Variants in PPP1R9A observed in about 807,000 individuals in gnomAD.
PPP1R9A encodes protein phosphatase 1 regulatory subunit 9A, also known as neurabin-1.
A neutral mutation model predicts 141.9 loss-of-function variants in PPP1R9A; 59 were observed. That is an observed-to-expected ratio of 0.42 (90% confidence interval 0.34 to 0.52). The LOEUF is 0.52. PPP1R9A is among the 20% of genes least tolerant of loss of function. The probability of loss-of-function intolerance (pLI) is 0.10; values close to 1 mark genes in which losing one functional copy is unlikely to be tolerated. For synonymous variants in PPP1R9A, 500 were observed against 569.7 expected, an observed-to-expected ratio of 0.88 and a Z score of 1.74; for missense variants, 1,444 against 1,611.9, an observed-to-expected ratio of 0.90 and a Z score of 1.78.
At chr7:95,029,745 T>C (rs1807394384) in intron 2 of PPP1R9A, among the ~76,000 whole-genome samples, 1 of 152,220 alleles carries the variant, frequency 6.6e-6, no homozygotes, top group African/African-American at 2.4e-5. Context: ...TTTTGAAGCA[T>C]GTCTTTCCTA....
At chr7:95,230,728 A>T (rs1347465223) in intron 8 of PPP1R9A, among the ~76,000 whole-genome samples, 1 of 152,208 alleles carries the variant, frequency 6.6e-6, no homozygotes, top group African/African-American at 2.4e-5. Flanking sequence ...GAAAACGGAT[A>T]TTTGAGGGAA....
chr7:94,921,248 C>T (rs146623695), intron 2 of PPP1R9A, among the ~76,000 whole-genome samples: 2,754 of 152,014 alleles, frequency 0.018, 39 homozygotes, highest in East Asian at 0.065. Context: ...AAATCGAGAC[C>T]ATCCTGGCGA....
chr7:95,191,318 C>T (rs144608300), intron 5 of PPP1R9A, among the ~76,000 whole-genome samples: 1 of 152,170 alleles, frequency 6.6e-6, no homozygotes, highest in African/African-American at 2.4e-5. Flanking sequence ...TGAAATAATG[C>T]ACATTAAAAC....
In PPP1R9A at chr7:95,268,580, G is replaced by C. The variant is rs372820941; in HGVS notation, c.2696G>C (p.Arg899Pro). ...DLNEAVPETE[R>P]LDSKALKTRA... ...AATGAAGCAGTCCCAGAGACAGAGC[G>C]CCTGGATTCAAAAGCACTGAAAACT... The change falls in exon 13 of 20, where the codon CGC becomes CCC. Residue 899 changes from arginine (R) to proline (P), a missense_variant. By Grantham distance (103) the Arg-to-Pro change is moderately radical. Transcript: ENST00000433360. The C allele has an allele frequency of 9.9e-6, 16 of 1,613,138 alleles. No individual in the cohort carries two copies. Among genetic ancestry groups the C allele is most frequent in the Non-Finnish European group, 1.4e-5 (16 of 1,179,468 alleles).
At chr7:95,107,579 A>C (rs1031433691) in intron 2 of PPP1R9A, among the ~76,000 whole-genome samples, 2 of 152,102 alleles carry the variant, frequency 1.3e-5, no homozygotes, top group Non-Finnish European at 2.9e-5. Flanking sequence ...ATAGGTATCT[A>C]ATTCTTTTCA....
intron 4 of PPP1R9A, among the ~76,000 whole-genome samples, chr7:95,139,960 C>G (rs1826351982): frequency 6.6e-6 from 1 of 152,116 alleles, no homozygotes; most frequent in South Asian, 2.1e-4. Context: ...AAGCAAATCT[C>G]TAATACTACT....
At chr7:95,151,640 G>A (rs1828690468) in intron 4 of PPP1R9A, among the ~76,000 whole-genome samples, 1 of 151,488 alleles carries the variant, frequency 6.6e-6, no homozygotes, top group Non-Finnish European at 1.5e-5. Flanking sequence ...CAATAATGAT[G>A]TGTCTTTAAA....
At chr7:95,035,769 A>G (rs961074581) in intron 2 of PPP1R9A, 7 of 152,198 alleles carry the variant, frequency 4.6e-5, no homozygotes, top group African/African-American at 1.7e-4. Context: ...TTATAAAAAA[A>G]CCTTGCATTC....
chr7:95,172,575 A>T (rs945690412), intron 5 of PPP1R9A, among the ~76,000 whole-genome samples: 1 of 151,836 alleles, frequency 6.6e-6, no homozygotes, highest in Non-Finnish European at 1.5e-5. Context: ...TAAATCTAAC[A>T]ATATATTGCA....
intron 4 of PPP1R9A, among the ~76,000 whole-genome samples, chr7:95,125,768 T>C (rs571346173): frequency 9.8e-5 from 15 of 152,354 alleles, no homozygotes; most frequent in Middle Eastern, 3.4e-3. Context: ...ATACCACATA[T>C]GAAATTAAGG....
chr7:95,015,227 T>TATATAC (rs774273958), intron 2 of PPP1R9A, among the ~76,000 whole-genome samples: 28 of 149,102 alleles, frequency 1.9e-4, no homozygotes, highest in East Asian at 1.3e-3. Flanking sequence ...AATATATATA[T>TATATAC]ACACACACAC....
chr7:95,166,306 C>T (rs1009010386), intron 5 of PPP1R9A, among the ~76,000 whole-genome samples: 1 of 152,088 alleles, frequency 6.6e-6, no homozygotes, highest in African/African-American at 2.4e-5. Flanking sequence ...GAAAGTGTCA[C>T]TAGCTGCTTT....
At chr7:95,038,941 C>A (rs1189311216) in intron 2 of PPP1R9A, among the ~76,000 whole-genome samples, 5 of 152,126 alleles carry the variant, frequency 3.3e-5, no homozygotes. Context: ...AAATTTTATA[C>A]CTCTAGCACC....
chr7:95,181,592 G>A (rs1419195672), intron 5 of PPP1R9A, among the ~76,000 whole-genome samples: 1 of 134,186 alleles, frequency 7.5e-6, no homozygotes, highest in African/African-American at 2.8e-5. Flanking sequence ...CATATATATA[G>A]AATATATATA....
At chr7:94,983,930 C>G (rs969771901) in intron 2 of PPP1R9A, among the ~76,000 whole-genome samples, 2 of 152,160 alleles carry the variant, frequency 1.3e-5, no homozygotes, top group African/African-American at 4.8e-5. Flanking sequence ...GGAATGCTTT[C>G]AGTTTTTGCC....
chr7:95,185,378 A>ATTTTTTTTTTTTTTTTTTTTTTTTTTTT (rs147366122), intron 5 of PPP1R9A, among the ~76,000 whole-genome samples: 3 of 148,880 alleles, frequency 2.0e-5, no homozygotes, highest in Admixed American at 6.7e-5. Flanking sequence ...TTTTTATGGG[A>ATTTTTTTTTTTTTTTTTTTTTTTTTTTT]TTTTTTTTTT....
chr7:95,165,731 C>T (rs973221218), intron 5 of PPP1R9A, among the ~76,000 whole-genome samples: 2 of 152,038 alleles, frequency 1.3e-5, no homozygotes, highest in African/African-American at 4.8e-5. Context: ...GTTAGTGAGG[C>T]TGGAAGGACT....
chr7:95,046,526 A>G lies in PPP1R9A; in HGVS notation c.1396-64733A>G, dbSNP rs1335298468. On this transcript the variant is annotated intron_variant, in intron 2 of 19. Transcript: ENST00000433360. ...ATAACACGGAATTGTGGAATATCATATGAAACTCTTATTTTTCTCTTCTGT... is the reference window on the plus strand; with the variant it reads ...ATAACACGGAATTGTGGAATATCATGTGAAACTCTTATTTTTCTCTTCTGT... 2.0e-5 allele frequency among the ~76,000 whole-genome samples: 3 copies of G among 152,254 alleles called. No individual in the cohort carries two copies. In the East Asian group the frequency reaches 5.8e-4, roughly 29 times the overall value.
intron 6 of PPP1R9A, among the ~76,000 whole-genome samples, chr7:95,202,420 A>C (rs1033451874): frequency 3.3e-5 from 5 of 152,154 alleles, no homozygotes; most frequent in Admixed American, 2.6e-4. Context: ...CTATTTAAGA[A>C]GAGGGAGATG....
Sources: allele counts gnomAD v4.1 joint callset (sites outside exome capture counted in the v4.1 genomes callset), GRCh38; gene constraint gnomAD v4.1.1; transcripts MANE v1.5; gene names NCBI Gene and HGNC (gene_info 2026-07-23, HGNC 2026-07-21).